Variants in HADHA observed in about 807,000 individuals in gnomAD.
HADHA encodes trifunctional enzyme subunit alpha, mitochondrial.
HADHA carries 59 observed loss-of-function variants against 91.3 expected under a neutral mutation model. That is an observed-to-expected ratio of 0.65 (90% CI 0.52 to 0.80). HADHA has a LOEUF of 0.80. Ranked by LOEUF, HADHA falls within the 30% of genes least tolerant of loss-of-function variation. The probability of loss-of-function intolerance (pLI) is 0.00; values close to 1 mark genes in which losing one functional copy is unlikely to be tolerated. For missense variants in HADHA, 800 were observed against 927.6 expected (o/e 0.86, Z 1.79); for synonymous variants, 320 against 338.9 (o/e 0.94, Z 0.61).
At chr2:26,191,860 G>A (rs1199322866) in intron 18 of HADHA, among the ~76,000 whole-genome samples, 4 of 152,196 alleles carry the variant, frequency 2.6e-5, no homozygotes, top group Non-Finnish European at 4.4e-5. Flanking sequence ...GCCTGGTGCC[G>A]AGAAGATAAT....
rs1574626650 is a variant in HADHA at position 26,236,968 on chromosome 2, C to T, written c.201G>A (p.Glu67=). The T allele has an allele frequency of 6.2e-7, 1 of 1,609,538 alleles. No individual in the cohort carries two copies. Among genetic ancestry groups the T allele is most frequent in the Admixed American group, 1.7e-5 (1 of 59,994 alleles). The part of the protein sequence containing the change: ...PNSKVNTLSK[E]LHSEFSEVMN... Reference sequence around the variant, plus strand: ...TAACTTCTGAGAACTCTGAATGTAGCTCTTTACTCAGTGTATTTACCTGCC... The same window carrying T: ...TAACTTCTGAGAACTCTGAATGTAGTTCTTTACTCAGTGTATTTACCTGCC... Residue 67 remains glutamate (E), a synonymous_variant, in exon 4 of 20, where the codon GAG becomes GAA. Coordinates refer to ENST00000380649, the MANE Select transcript of HADHA (RefSeq NM_000182.5).
At chr2:26,211,905 G>A (rs751255449) in intron 10 of HADHA, 9 of 152,754 alleles carry the variant, frequency 5.9e-5, no homozygotes, top group Non-Finnish European at 1.3e-4. Flanking sequence ...TAACATGTAA[G>A]AAAAATATTT....
intron 2 of HADHA, 40 bp from the exon 3 acceptor site, chr2:26,239,044 T>C (rs971924546): frequency 1.5e-5 from 24 of 1,564,736 alleles, no homozygotes; most frequent in Non-Finnish European, 1.9e-5. Context: ...ACATATTTAT[T>C]GCAACATAAA....
rs776366117 is a variant in HADHA, at chr2:26,244,491, T to C, written c.67+39A>G. On this transcript the variant is annotated intron_variant, in intron 1 of 19. Transcript: ENST00000380649. Reference sequence around the variant, plus strand: ...GGGCCACCCCAGTCCCGGCAGGAGTTCTGCCCGGAGGTCTGGGATGCCCTC... The same window carrying C: ...GGGCCACCCCAGTCCCGGCAGGAGTCCTGCCCGGAGGTCTGGGATGCCCTC... 6.4e-6 allele frequency: 10 copies of C among 1,550,506 alleles called. No individual in the cohort carries two copies. The Admixed American group carries it at 1.9e-4, about 30-fold the overall frequency.
chr2:26,244,116 G>C lies in HADHA; in HGVS notation c.67+414C>G, dbSNP rs1422726102. ...CCCATACAAGACAGCGCTTGTTGCG[G>C]GGTAAGGTGCTGTTTTTAAGACAGC... On this transcript the variant is annotated intron_variant, in intron 1 of 19. Transcript: ENST00000380649. Among the ~76,000 whole-genome samples the C allele has an allele frequency of 2.0e-5, 3 of 152,254 alleles. No individual in the cohort carries two copies. In the East Asian group the frequency reaches 5.8e-4, roughly 29 times the overall value.
chr2:26,190,731 A>G lies in HADHA; in HGVS notation c.*519T>C. 5.0e-6 allele frequency: 1 copy of G among 199,914 alleles called. No individual in the cohort carries two copies. Among genetic ancestry groups the G allele is most frequent in the Non-Finnish European group, 1.0e-5 (1 of 96,810 alleles). The allele number at this position is 199,914 out of a possible 1,614,324, so 12.4% of individuals were successfully genotyped here. A position where few individuals can be genotyped will look rare whatever the true frequency, so the allele number is the denominator to read the frequency against. On this transcript the variant is annotated 3_prime_UTR_variant, in exon 20 of 20. Transcript: ENST00000380649. ...ACAGGTGTGTGTGGTTGAGCCCACC[A>G]GGTCCCACTTTCTCTCATCCCAGTC...
In HADHA at chr2:26,201,307, C is replaced by G. The variant is rs770219903; in HGVS notation, c.1234G>C (p.Val412Leu). The G allele has an allele frequency of 6.2e-7, 1 of 1,608,266 alleles. No homozygotes were observed. The highest frequency in any genetic ancestry group is 1.7e-5 in the Admixed American group (1 of 59,986). The change falls in exon 13 of 20, where the codon GTG becomes CTG. Residue 412 changes from valine to leucine, a missense_variant. By Grantham distance (32) the Val-to-Leu change is conservative. Transcript: ENST00000380649. Reference sequence around the variant, plus strand: ...AATGATGTTAGAGCTTTCTTCTTCACTTTGTCATTCAATCTAGAAAAAACA... The same window carrying G: ...AATGATGTTAGAGCTTTCTTCTTCAGTTTGTCATTCAATCTAGAAAAAACA... ...QQVFKGLNDK[V>L]KKKALTSFER... is the part of the protein sequence containing the mutation.
In HADHA at chr2:26,204,189, CCAGATGCCTG is replaced by C. The variant is rs1057516460; in HGVS notation, c.1086-3_1092del. On this transcript the variant is annotated splice_acceptor_variant and splice_polypyrimidine_tract_variant and coding_sequence_variant and intron_variant, in exon 12 of 20. Coordinates refer to ENST00000380649, the MANE Select transcript of HADHA (RefSeq NM_000182.5). LOFTEE classifies it high-confidence loss of function. Reference sequence around the variant, plus strand: ...CCCATCAGCCCTGCACCAAGAATAGCCAGATGCCTGCAAGGCAAGGATGAAATGACTTTCG... The same window carrying C: ...CCCATCAGCCCTGCACCAAGAATAGCCAAGGCAAGGATGAAATGACTTTCG... The C allele has an allele frequency of 2.5e-6, 4 of 1,613,934 alleles. No individual in the cohort carries two copies. The highest frequency in any genetic ancestry group is 3.4e-6 in the Non-Finnish European group (4 of 1,179,786).
At chr2:26,212,454 G>GA (rs1399553238) in intron 10 of HADHA, 116 bp downstream of exon 10, 4 of 769,076 alleles carry the variant, frequency 5.2e-6, no homozygotes, top group Non-Finnish European at 9.3e-6. Flanking sequence ...AGCACTGGAA[G>GA]AAAAAAATTT....
intron 7 of HADHA, among the ~76,000 whole-genome samples, chr2:26,223,458 T>C (rs1166624839): frequency 6.6e-6 from 1 of 152,068 alleles, no homozygotes; most frequent in Non-Finnish European, 1.5e-5. Context: ...GGCAAAGAAC[T>C]AGGACAAACT....
chr2:26,227,293 C>T (rs1670506683), intron 7 of HADHA, among the ~76,000 whole-genome samples: 1 of 152,160 alleles, frequency 6.6e-6, no homozygotes, highest in African/African-American at 2.4e-5. Flanking sequence ...AGGGGGATAA[C>T]TTGAGGTCAG....
intron 7 of HADHA, among the ~76,000 whole-genome samples, chr2:26,219,957 A>C (rs1325101258): frequency 3.3e-5 from 5 of 152,236 alleles, no homozygotes; most frequent in African/African-American, 1.2e-4. Context: ...TTACAGACCC[A>C]GAATCTCCTT....
chr2:26,224,611 C>A (rs1356144773), intron 7 of HADHA, among the ~76,000 whole-genome samples: 16 of 152,190 alleles, frequency 1.1e-4, no homozygotes, highest in Admixed American at 1.0e-3. Flanking sequence ...GACTCTGCAT[C>A]CTCTTCTAGG....
rs763455069 is a variant in HADHA, at chr2:26,193,540, C to G, written c.1885+37G>C. The G allele has an allele frequency of 2.0e-5, 31 of 1,518,534 alleles. No homozygotes were observed. In the South Asian group the frequency reaches 3.4e-4, roughly 16 times the overall value. 94.1% of individuals were successfully genotyped at this position (1,518,534 alleles called of 1,614,324 possible). A position where few individuals can be genotyped will look rare whatever the true frequency, so the allele number is the denominator to read the frequency against. On this transcript the variant is annotated intron_variant, in intron 17 of 19. Coordinates refer to ENST00000380649, the MANE Select transcript of HADHA (RefSeq NM_000182.5). ...TCAGGAACTGCTTAGAACTTTGTAA[C>G]TAATGGTGCTAGTTATGTTTCCTTG...
At chr2:26,218,084 T>A (rs973424291) in intron 7 of HADHA, among the ~76,000 whole-genome samples, 10 of 152,086 alleles carry the variant, frequency 6.6e-5, no homozygotes, top group Admixed American at 3.9e-4. Context: ...GGTGGGCAGA[T>A]CACTTGAGGT....
intron 7 of HADHA, among the ~76,000 whole-genome samples, chr2:26,217,597 G>T (rs1670270850): frequency 6.6e-6 from 1 of 152,076 alleles, no homozygotes; most frequent in Admixed American, 6.6e-5. Context: ...ATCATATATA[G>T]AAGTATAAAG....
Position 26,223,716 on chromosome 2 carries a change from C to T in HADHA, c.676+6476G>A, listed in dbSNP as rs572122315. Among the ~76,000 whole-genome samples the T allele has an allele frequency of 2.5e-3, 377 of 152,120 alleles. 1 individual carries two copies. The highest frequency in any genetic ancestry group is 3.4e-3 in the Middle Eastern group (1 of 294). ...CTTCTTCAGGTGCCTCTGCTGAGAC[C>T]TTGTCAAAGGAGGAAGGGGAAATCT... On this transcript the variant is annotated intron_variant, in intron 7 of 19. Transcript: ENST00000380649.
At chr2:26,232,035 G>T in intron 6 of HADHA, 125 bp downstream of exon 6, 1 of 747,144 alleles carries the variant, frequency 1.3e-6, no homozygotes. Context: ...GTCTGTCACT[G>T]ATCCTGTACA....
intron 5 of HADHA, among the ~76,000 whole-genome samples, chr2:26,233,389 G>T (rs531756381): frequency 6.6e-6 from 1 of 152,232 alleles, no homozygotes; most frequent in African/African-American, 2.4e-5. Context: ...TCATTGAAAC[G>T]TTATGTGGTA....
Sources: allele counts gnomAD v4.1 joint callset (sites outside exome capture counted in the v4.1 genomes callset), GRCh38; gene constraint gnomAD v4.1.1; transcripts MANE v1.5; gene names NCBI Gene and HGNC (gene_info 2026-07-23, HGNC 2026-07-21).